Variants in NEBL observed in about 807,000 individuals in gnomAD.
The protein encoded by NEBL is LIM and SH3 protein 2.
NEBL carries 122 observed loss-of-function variants against 140.2 expected under a neutral mutation model. The ratio of observed to expected loss-of-function variants is 0.87; its 90% CI spans 0.75 to 1.01. NEBL has a LOEUF of 1.01. NEBL is among the 50% of genes least tolerant of loss of function. The probability of loss-of-function intolerance (pLI) is 0.00; values close to 1 mark genes in which losing one functional copy is unlikely to be tolerated. For synonymous variants in NEBL, 436 were observed against 398.9 expected (o/e 1.09, Z -1.11); for missense variants, 1,365 against 1,231.3 (o/e 1.11, Z -1.62).
At chr10:20,868,818 C>G (rs1280079420) in intron 6 of NEBL, 53 bp from the exon 7 acceptor site, 1 of 1,209,374 alleles carries the variant, frequency 8.3e-7, no homozygotes, top group Non-Finnish European at 1.2e-6. Context: ...CAATGATGAA[C>G]TACATTGACA....
At chr10:20,995,909 T>A (rs937799558) in intron 3 of NEBL, among the ~76,000 whole-genome samples, 4 of 150,948 alleles carry the variant, frequency 2.6e-5, no homozygotes, top group Non-Finnish European at 5.9e-5. Flanking sequence ...GGACTAATTC[T>A]TTTTCCTTTA....
chr10:20,892,807 C>G (rs1250834479), intron 2 of NEBL, among the ~76,000 whole-genome samples: 1 of 152,162 alleles, frequency 6.6e-6, no homozygotes, highest in African/African-American at 2.4e-5. Context: ...GCGGATCTTT[C>G]CTTTCACAAG....
intron 3 of NEBL, among the ~76,000 whole-genome samples, chr10:21,006,586 G>A (rs912757023): frequency 6.6e-6 from 1 of 152,154 alleles, no homozygotes; most frequent in Non-Finnish European, 1.5e-5. Flanking sequence ...GGGTTCCACT[G>A]ATGGAGTTCA....
At position 20,893,688 on chromosome 10, in the gene NEBL, T is replaced by C. The variant is rs149022252; in HGVS notation, c.153+3270A>G. 3.5e-3 allele frequency among the ~76,000 whole-genome samples: 527 copies of C among 152,298 alleles called. 8 individuals carry two copies. Among genetic ancestry groups the C allele is most frequent in the African/African-American group, 0.011 (458 of 41,550 alleles). ...AAAATTGTCTGACAAGGGGATGATA[T>C]AGCAGTGTCTACAGGTCTGCTGACT... On this transcript the variant is annotated intron_variant, in intron 2 of 27. Coordinates refer to ENST00000377122, the MANE Select transcript of NEBL (RefSeq NM_006393.3).
chr10:21,116,803 G>A (rs909298938), intron 2 of NEBL, among the ~76,000 whole-genome samples: 2 of 151,954 alleles, frequency 1.3e-5, no homozygotes, highest in Admixed American at 1.3e-4. Context: ...TTGAGCAGCT[G>A]GGACTACAGG....
intron 3 of NEBL, among the ~76,000 whole-genome samples, chr10:21,182,203 G>T (rs1589318742): frequency 6.6e-6 from 1 of 150,996 alleles, no homozygotes. Context: ...TGGGCACGGT[G>T]GCTCACACCT....
intron 4 of NEBL, among the ~76,000 whole-genome samples, chr10:20,951,847 T>C (rs1345443820): frequency 6.6e-6 from 1 of 152,226 alleles, no homozygotes; most frequent in Non-Finnish European, 1.5e-5. Context: ...AAAATTTAGA[T>C]ACTTTCAAAG....
In NEBL at chr10:21,245,699, T is replaced by C. The variant is rs528791860; in HGVS notation, n.348+2222A>G. On this transcript the variant is annotated intron_variant and non_coding_transcript_variant, in intron 3 of 8. Coordinates refer to the NEBL transcript ENST00000675702. ...GGTGCCCACCACCATGCCCGGCTAATTTTTTGTATTAGCTGGGCATGGAGA... is the reference window on the plus strand; with the variant it reads ...GGTGCCCACCACCATGCCCGGCTAACTTTTTGTATTAGCTGGGCATGGAGA... 9.2e-5 allele frequency among the ~76,000 whole-genome samples: 14 copies of C among 152,230 alleles called. No individual in the cohort carries two copies. The East Asian group carries it at 1.4e-3, about 15-fold the overall frequency.
intron 2 of NEBL, among the ~76,000 whole-genome samples, chr10:21,066,307 G>A (rs149629151): frequency 6.7e-4 from 102 of 152,288 alleles, no homozygotes; most frequent in Admixed American, 1.8e-3. Flanking sequence ...TTAATTATTG[G>A]TGAATTTTTC....
In NEBL at chr10:20,826,497, C is replaced by T. The variant is rs1244509710; in HGVS notation, c.1819G>A (p.Asp607Asn). The T allele has an allele frequency of 6.2e-7, 1 of 1,613,030 alleles. No homozygotes were observed. Among genetic ancestry groups the T allele is most frequent in the Non-Finnish European group, 8.5e-7 (1 of 1,179,320 alleles). Residue 607 changes from aspartate (D) to asparagine (N), a missense_variant, in exon 18 of 28, where the codon GAT becomes AAT. Physicochemically the swap from Asp to Asn is conservative, Grantham distance 23. Around this residue, in one of 2 missense-constraint regions of NEBL, gnomAD observed 1,323 missense variants for 1,154.8 expected, o/e 1.15. Transcript: ENST00000377122. ...TTCACTCGTTCGATCTCTGGGCTAT[C>T]TTTCACTGCAGTGCCAGCTCCCACT... ...KEVGAGTAVK[D>N]SPEIERVKKN... is the part of the protein sequence containing the mutation.
At chr10:21,195,922 A>G (rs1327459983) in intron 3 of NEBL, among the ~76,000 whole-genome samples, 2 of 152,160 alleles carry the variant, frequency 1.3e-5, no homozygotes, top group African/African-American at 4.8e-5. Context: ...AATTAAAGCA[A>G]TTGATTATAC....
At chr10:21,216,378 G>A (rs12264956) in intron 3 of NEBL, among the ~76,000 whole-genome samples, 11,655 of 152,162 alleles carry the variant, frequency 0.077, 1,443 homozygotes, top group African/African-American at 0.26. Flanking sequence ...CTTTTTGGCC[G>A]GGTGCAGTAT....
At chr10:21,000,249 G>A (rs1351386064) in intron 3 of NEBL, among the ~76,000 whole-genome samples, 1 of 151,464 alleles carries the variant, frequency 6.6e-6, no homozygotes, top group Admixed American at 6.6e-5. Flanking sequence ...AGAGGGAGCT[G>A]CAGCTACCAC....
At chr10:21,029,651 A>G in intron 2 of NEBL, 1 of 1,301,990 alleles carries the variant, frequency 7.7e-7, no homozygotes, top group South Asian at 1.2e-5. Flanking sequence ...AGGGGTGATG[A>G]TAGGTTTGGA....
chr10:20,984,783 A>C (rs1472357538), intron 3 of NEBL, among the ~76,000 whole-genome samples: 1 of 152,118 alleles, frequency 6.6e-6, no homozygotes, highest in Non-Finnish European at 1.5e-5. Flanking sequence ...GCCGGGCTGC[A>C]CAGAAGGAGG....
chr10:20,814,086 C>G (rs374448077), intron 22 of NEBL, 43 bp from the exon 23 acceptor site: 2 of 1,171,260 alleles, frequency 1.7e-6, no homozygotes, highest in Admixed American at 3.4e-5. Flanking sequence ...TAAGAAAACA[C>G]ATGATGTAAC....
At chr10:21,167,066 C>G (rs1026985819) in intron 2 of NEBL, among the ~76,000 whole-genome samples, 1 of 152,206 alleles carries the variant, frequency 6.6e-6, no homozygotes, top group Non-Finnish European at 1.5e-5. Flanking sequence ...TCACACTCAA[C>G]AGGGGCCGGC....
In NEBL at chr10:20,996,063, G is replaced by A. The variant is rs146177298; in HGVS notation, c.249+24054C>T. 4.6e-3 allele frequency among the ~76,000 whole-genome samples: 704 copies of A among 152,278 alleles called. 6 individuals are homozygous for A. The highest frequency in any genetic ancestry group is 0.014 in the African/African-American group (583 of 41,554). On this transcript the variant is annotated intron_variant, in intron 3 of 6. Coordinates refer to the NEBL transcript ENST00000417816. ...GCCAGCAAGGTTTAGAGAACAGCGC[G>A]TTCTGGCTCCTAACTCAGGCAATAC...
Position 20,851,804 on chromosome 10 carries a change from T to C in NEBL, c.1008+741A>G, listed in dbSNP as rs75064947. Reference sequence around the variant, plus strand: ...CATCTCAAACAAAAATTTTGTGAAATAAATGAAATGAAAATAAGTAATTTT... The same window carrying C: ...CATCTCAAACAAAAATTTTGTGAAACAAATGAAATGAAAATAAGTAATTTT... On this transcript the variant is annotated intron_variant, in intron 10 of 27. Coordinates refer to ENST00000377122, the MANE Select transcript of NEBL (RefSeq NM_006393.3). Among the ~76,000 whole-genome samples, 349 of 152,100 alleles carry C rather than the reference T, an allele frequency of 2.3e-3. 12 individuals are homozygous for C. The East Asian group carries it at 0.053, about 23-fold the overall frequency.
Sources: gnomAD v4.1 joint callset for allele counts (sites outside exome capture counted in the v4.1 genomes callset) on GRCh38, gnomAD v4.1.1 for gene constraint, gnomAD v4.1.1 regional missense constraint, MANE v1.5 for transcripts, NCBI Gene and HGNC (gene_info 2026-07-23, HGNC 2026-07-21) for gene names.